PTPRT: variants seen among roughly 807,000 people sequenced by gnomAD.
PTPRT encodes the protein receptor-type tyrosine-protein phosphatase T.
PTPRT carries 56 observed loss-of-function variants against 176.8 expected under a neutral mutation model. The ratio of observed to expected loss-of-function variants is 0.32; its 90% confidence interval spans 0.26 to 0.40. The LOEUF is 0.40. Ranked by LOEUF, PTPRT falls within the 10% of genes least tolerant of loss-of-function variation. The pLI is 1.00. For missense variants in PTPRT, 1,540 were observed against 1,908.2 expected (o/e 0.81, Z 3.60); for synonymous variants, 783 against 739.0 (o/e 1.06, Z -0.96).
intron 27 of PTPRT, among the ~76,000 whole-genome samples, chr20:42,088,769 T>C (rs1984294070): frequency 1.3e-5 from 2 of 152,240 alleles, no homozygotes; most frequent in Admixed American, 6.5e-5. Context: ...ATATTTCCTA[T>C]CTGGCTCTTT....
intron 19 of PTPRT, among the ~76,000 whole-genome samples, chr20:42,125,374 C>A (rs1987801280): frequency 6.6e-6 from 1 of 152,110 alleles, no homozygotes; most frequent in African/African-American, 2.4e-5. Flanking sequence ...ATCAAAAAGG[C>A]CTGGATTCAA....
At chr20:42,633,892 T>TATATAA (rs2074483141) in intron 7 of PTPRT, among the ~76,000 whole-genome samples, 3 of 65,386 alleles carry the variant, frequency 4.6e-5, no homozygotes, top group African/African-American at 7.0e-5. Context: ...AATATAATTA[T>TATATAA]TATATATAAT....
rs529734804 is a variant in PTPRT, at chr20:42,537,566, T to C, written c.1154-65004A>G. Among the ~76,000 whole-genome samples, 538 of 152,324 alleles carry C rather than the reference T, an allele frequency of 3.5e-3. 9 individuals are homozygous for C. The highest frequency in any genetic ancestry group is 0.012 in the African/African-American group (519 of 41,576). On this transcript the variant is annotated intron_variant, in intron 7 of 30. Transcript: ENST00000373187. ...AAAGTGAGGTTTGGCTTAAGTGACT[T>C]GCTCAGTTAGTAAGGCACAGAGCCA...
At chr20:43,087,728 G>A (rs946334275) in intron 1 of PTPRT, among the ~76,000 whole-genome samples, 3 of 152,156 alleles carry the variant, frequency 2.0e-5, no homozygotes, top group East Asian at 3.9e-4. Context: ...AAGGAGGGAC[G>A]AATCTTCATC....
chr20:42,516,957 C>T (rs1420666227), intron 7 of PTPRT, among the ~76,000 whole-genome samples: 1 of 152,078 alleles, frequency 6.6e-6, no homozygotes, highest in African/African-American at 2.4e-5. Context: ...TGCTAACTAA[C>T]TTTGGTTTCT....
At chr20:42,617,982 C>A (rs1258701715) in intron 7 of PTPRT, among the ~76,000 whole-genome samples, 2 of 137,356 alleles carry the variant, frequency 1.5e-5, no homozygotes, top group Admixed American at 7.0e-5. Context: ...CTTCTGCTAG[C>A]TTTTGAATGT....
intron 13 of PTPRT, among the ~76,000 whole-genome samples, chr20:42,277,457 G>A (rs2057059838): frequency 6.6e-6 from 1 of 152,232 alleles, no homozygotes; most frequent in Non-Finnish European, 1.5e-5. Context: ...GGCAGCCAGA[G>A]TGGTTCCACC....
intron 7 of PTPRT, among the ~76,000 whole-genome samples, chr20:42,671,474 C>T (rs566249355): frequency 2.0e-5 from 3 of 152,280 alleles, no homozygotes; most frequent in African/African-American, 7.2e-5. Context: ...CCACACAATG[C>T]TCTAGACAAG....
intron 7 of PTPRT, among the ~76,000 whole-genome samples, chr20:42,539,508 C>G (rs1313291343): frequency 6.6e-6 from 1 of 151,816 alleles, no homozygotes; most frequent in Non-Finnish European, 1.5e-5. Flanking sequence ...CCTCTCCCCA[C>G]TAGACTTGTC....
At chr20:43,135,025 T>C (rs1322241961) in intron 1 of PTPRT, among the ~76,000 whole-genome samples, 3 of 152,118 alleles carry the variant, frequency 2.0e-5, no homozygotes, top group Non-Finnish European at 4.4e-5. Context: ...CTCCAGATAA[T>C]ATCAAATGTC....
chr20:42,331,895 T>C (rs2057969849), intron 11 of PTPRT, among the ~76,000 whole-genome samples: 1 of 152,196 alleles, frequency 6.6e-6, no homozygotes, highest in Non-Finnish European at 1.5e-5. Context: ...ATACTAAGAC[T>C]TCATTTGCCT....
At chr20:42,694,134 G>T (rs1392487003) in intron 6 of PTPRT, among the ~76,000 whole-genome samples, 1 of 151,350 alleles carries the variant, frequency 6.6e-6, no homozygotes, top group Non-Finnish European at 1.5e-5. Context: ...CACCTCCCAG[G>T]TTCACGCCAT....
At chr20:43,154,183 A>T (rs1354952629) in intron 1 of PTPRT, among the ~76,000 whole-genome samples, 2 of 152,142 alleles carry the variant, frequency 1.3e-5, no homozygotes, top group Non-Finnish European at 2.9e-5. Flanking sequence ...ATCCATTTTC[A>T]GTTGATTTTT....
At chr20:42,231,216 C>T (rs1382459038) in intron 15 of PTPRT, among the ~76,000 whole-genome samples, 2 of 152,364 alleles carry the variant, frequency 1.3e-5, no homozygotes, top group East Asian at 3.9e-4. Flanking sequence ...CATTTGGTAC[C>T]TGGCTCTTCT....
intron 1 of PTPRT, among the ~76,000 whole-genome samples, chr20:43,123,719 C>A (rs1023054649): frequency 2.6e-5 from 4 of 152,174 alleles, no homozygotes. Flanking sequence ...TAATTTGAAA[C>A]TTCTCTTTAA....
At chr20:42,064,811 T>C in the PTPRT span, among the ~76,000 whole-genome samples, 1 of 152,236 alleles carries the variant, frequency 6.6e-6, no homozygotes, top group Non-Finnish European at 1.5e-5. Context: ...TGTCCTCTTC[T>C]CTTGAATCAC....
At position 42,520,945 on chromosome 20, in the gene PTPRT, TATCC is replaced by T. The variant is rs202120509; in HGVS notation, c.1154-48387_1154-48384del. On this transcript the variant is annotated intron_variant, in intron 7 of 30. Transcript: ENST00000373187. The stretch of plus-strand genomic sequence containing the variant: ...TTTATCTATCTACCTATCATCTATC[TATCC>T]GTCCACCCACCAACCTACATACATA... Among the ~76,000 whole-genome samples, 548 of 151,918 alleles carry T rather than the reference TATCC, an allele frequency of 3.6e-3. 6 individuals are homozygous for T. The highest frequency in any genetic ancestry group is 0.013 in the African/African-American group (521 of 41,440).
chr20:42,714,107 GGGTGAGCACC>G (rs1326400504), intron 6 of PTPRT, among the ~76,000 whole-genome samples: 1 of 152,140 alleles, frequency 6.6e-6, no homozygotes, highest in Non-Finnish European at 1.5e-5. Context: ...TGCAGCTGTT[GGGTGAGCACC>G]TTGCCCTCTC....
chr20:42,592,143 C>A (rs905193211), intron 7 of PTPRT, among the ~76,000 whole-genome samples: 1 of 140,438 alleles, frequency 7.1e-6, no homozygotes, highest in Non-Finnish European at 1.5e-5. Context: ...CCACACCCAG[C>A]TAATTTTTTT....
Sources: gnomAD v4.1 joint callset for allele counts (sites outside exome capture counted in the v4.1 genomes callset) on GRCh38, gnomAD v4.1.1 for gene constraint, MANE v1.5 for transcripts, NCBI Gene and HGNC (gene_info 2026-07-23, HGNC 2026-07-21) for gene names.